Variants in KDM6B observed in about 807,000 individuals in gnomAD.
KDM6B encodes lysine demethylase 6B, also known as lysine-specific demethylase 6B.
KDM6B carries 22 observed loss-of-function variants against 150.4 expected under a neutral mutation model. That is an observed-to-expected ratio of 0.15 (90% CI 0.10 to 0.21). The LOEUF (loss-of-function observed/expected upper bound fraction) is 0.21. KDM6B is among the 10% of genes least tolerant of loss of function. KDM6B has a pLI of 1.00. For synonymous variants in KDM6B, 1,148 were observed against 921.1 expected (o/e 1.25, Z -4.46); for missense variants, 1,984 against 2,234.3 (o/e 0.89, Z 2.26).
chr17:7,848,812 C>G lies in KDM6B; in HGVS notation c.2524C>G (p.Pro842Ala), dbSNP rs1000777879. ...LPTTQYSPGP[P>A]SGATALPPTS... ...CACCACTCAGTATTCCCCTGGCCCC[C>G]CATCAGGTGCTACCGCCCTGCCGCC... is the stretch of plus-strand genomic sequence containing the variant. Residue 842 changes from proline (P) to alanine (A), a missense_variant, in exon 12 of 24, where the codon CCA becomes GCA. By Grantham distance (27) the Pro-to-Ala change is conservative. This residue lies in a region of KDM6B where 1,379 missense variants were observed against 1,275.6 expected (regional missense o/e 1.08). Transcript: ENST00000448097. 5.0e-6 allele frequency: 8 copies of G among 1,612,662 alleles called. No individual in the cohort carries two copies. The highest frequency in any genetic ancestry group is 1.6e-4 in the Middle Eastern group (1 of 6,082).
At chr17:7,846,370 T>TGGGGCC in intron 7 of KDM6B, 30 bp from the exon 8 acceptor site, 6 of 1,501,940 alleles carry the variant, frequency 4.0e-6, no homozygotes, top group South Asian at 1.2e-5. Flanking sequence ...ACCTGACATC[T>TGGGGCC]GCCCCTGCCC....
chr17:7,849,521 C>G lies in KDM6B; in HGVS notation c.3233C>G (p.Ala1078Gly). 1 of 1,612,854 alleles carries G rather than the reference C, an allele frequency of 6.2e-7. No homozygotes were observed. Among genetic ancestry groups the G allele is most frequent in the Non-Finnish European group, 8.5e-7 (1 of 1,179,958 alleles). ...CCTGGAAAGAAGGCTCGGGAGGAAGCCCCAGGGCCACCGGGTGTCAGCCGG... is the reference window on the plus strand; with the variant it reads ...CCTGGAAAGAAGGCTCGGGAGGAAGGCCCAGGGCCACCGGGTGTCAGCCGG... ...SVPGKKAREEAPGPPGVSRAD... is the reference protein window; with the variant it reads ...SVPGKKAREEGPGPPGVSRAD... Residue 1078 changes from alanine (A) to glycine (G), a missense_variant, in exon 12 of 24, where the codon GCC (alanine) becomes GGC (glycine). By Grantham distance (60) the Ala-to-Gly change is moderately conservative. Coordinates refer to ENST00000448097, the MANE Select transcript of KDM6B (RefSeq NM_001348716.2).
At chr17:7,846,021 G>C in intron 6 of KDM6B, 51 bp downstream of exon 6, 4 of 1,599,328 alleles carry the variant, frequency 2.5e-6, no homozygotes, top group Non-Finnish European at 3.4e-6. Flanking sequence ...CTGGGGCCTT[G>C]AAAGAGTCCC....
At position 7,846,883 on chromosome 17, in the gene KDM6B, C is replaced by CACCACA; in HGVS notation, c.781_782insAACCAC (p.Pro260_Pro261insGlnPro). Reference sequence around the variant, plus strand: ...TTACCACCACCACCACCACCACCACCACCACCACCACCACCCCTGCCTGGC... The same window carrying CACCACA: ...TTACCACCACCACCACCACCACCACCACCACAACCACCACCACCACCCCTGCCTGGC... On this transcript the variant is annotated inframe_insertion, in exon 10 of 24. Coordinates refer to ENST00000448097, the MANE Select transcript of KDM6B (RefSeq NM_001348716.2). 6.3e-7 allele frequency: 1 copy of CACCACA among 1,596,470 alleles called. No individual in the cohort carries two copies. The highest frequency in any genetic ancestry group is 8.5e-7 in the Non-Finnish European group (1 of 1,175,238).
At position 7,847,721 on chromosome 17, in the gene KDM6B, G is replaced by A. The variant is rs764457029; in HGVS notation, c.1433G>A (p.Arg478His). 2.6e-5 allele frequency: 34 copies of A among 1,299,016 alleles called. 1 individual carries two copies. The South Asian group carries it at 2.6e-4, about 10-fold the overall frequency. The allele number at this position is 1,299,016 out of a possible 1,614,324, so 80.5% of individuals were successfully genotyped here. ...PPPPPCPRLL[R>H]PPPPPAWLKG... Reference sequence around the variant, plus strand: ...CCACCCCCCTGTCCCCGCCTCTTACGCCCCCCACCACCCCCTGCCTGGTTG... The same window carrying A: ...CCACCCCCCTGTCCCCGCCTCTTACACCCCCCACCACCCCCTGCCTGGTTG... Residue 478 changes from arginine (R) to histidine (H), a missense_variant, in exon 12 of 24, where the codon CGC becomes CAC. Arg to His is a conservative substitution (Grantham distance 29, BLOSUM62 0). Around this residue, in one of 13 missense-constraint regions of KDM6B, gnomAD observed 1,379 missense variants for 1,275.6 expected, o/e 1.08. Coordinates refer to ENST00000448097, the MANE Select transcript of KDM6B (RefSeq NM_001348716.2).
At position 7,847,716 on chromosome 17, in the gene KDM6B, C is replaced by G. The variant is rs2078588613; in HGVS notation, c.1428C>G (p.Leu476=). 3 of 1,532,356 alleles carry G rather than the reference C, an allele frequency of 2.0e-6. No homozygotes were observed. Among genetic ancestry groups the G allele is most frequent in the Non-Finnish European group, 2.6e-6 (3 of 1,138,348 alleles). The allele number at this position is 1,532,356 out of a possible 1,614,324, so 94.9% of individuals were successfully genotyped here. A position where few individuals can be genotyped will look rare whatever the true frequency, so the allele number is the denominator to read the frequency against. Residue 476 remains leucine, a synonymous_variant, in exon 12 of 24, where the codon CTC becomes CTG. Transcript: ENST00000448097. ...SSPPPPPCPR[L]LRPPPPPAWL... is the part of the protein sequence containing the mutation. ...CCCCTCCACCCCCCTGTCCCCGCCT[C>G]TTACGCCCCCCACCACCCCCTGCCT... is the stretch of plus-strand genomic sequence containing the variant.
chr17:7,851,809 C>A lies in KDM6B; in HGVS notation c.4165+13C>A. The A allele has an allele frequency of 6.4e-7, 1 of 1,556,176 alleles. No individual in the cohort carries two copies. The highest frequency in any genetic ancestry group is 1.2e-5 in the South Asian group (1 of 85,488). On this transcript the variant is annotated intron_variant, in intron 18 of 23. Transcript: ENST00000448097. The stretch of plus-strand genomic sequence containing the variant: ...AGCCGAACGCCAGGTGCGCTCCACG[C>A]CTGTGCGCGCTGATGCTGGAAGCGC...
Position 7,848,902 on chromosome 17 carries a change from T to G in KDM6B, c.2614T>G (p.Ser872Ala), listed in dbSNP as rs746703803. 6.2e-7 allele frequency: 1 copy of G among 1,605,636 alleles called. No homozygotes were observed. Among genetic ancestry groups the G allele is most frequent in the Non-Finnish European group, 8.5e-7 (1 of 1,175,262 alleles). The part of the protein sequence containing the change: ...QPSASSSSQF[S>A]TSGGPWARER... The stretch of plus-strand genomic sequence containing the variant: ...CTCTGCTTCCTCGTCATCTCAGTTC[T>G]CTACCTCAGGCGGGCCCTGGGCCCG... Residue 872 changes from serine (S) to alanine (A), a missense_variant, in exon 12 of 24, where the codon TCT becomes GCT. By Grantham distance (99) the Ser-to-Ala change is moderately conservative (BLOSUM62 1). This residue lies in a region of KDM6B where 1,379 missense variants were observed against 1,275.6 expected (regional missense o/e 1.08). Coordinates refer to ENST00000448097, the MANE Select transcript of KDM6B (RefSeq NM_001348716.2).
rs528888877 is a variant in KDM6B, at chr17:7,849,354, C to T, written c.3066C>T (p.Asp1022=). 9 of 1,596,800 alleles carry T rather than the reference C, an allele frequency of 5.6e-6. No homozygotes were observed. The South Asian group carries it at 1.0e-4, about 18-fold the overall frequency. ...GCCGCCGGGTGCTGGGGAACCTGGACCTGCAGAGCGAGGAGATCCAGGGTC... is the reference window on the plus strand; with the variant it reads ...GCCGCCGGGTGCTGGGGAACCTGGATCTGCAGAGCGAGGAGATCCAGGGTC... The part of the protein sequence containing the change: ...EKSRRVLGNL[D]LQSEEIQGRE... The change falls in exon 12 of 24, where the codon GAC becomes GAT. Residue 1022 remains aspartate (D), a synonymous_variant. Transcript: ENST00000448097.
At chr17:7,837,294 G>T (rs928938246) in intron 1 of KDM6B, among the ~76,000 whole-genome samples, 1 of 152,092 alleles carries the variant, frequency 6.6e-6, no homozygotes, top group African/African-American at 2.4e-5. Flanking sequence ...GTATGGGGGG[G>T]GGTTCACTAC....
At chr17:7,835,459 G>A (rs947996924) in intron 1 of KDM6B, among the ~76,000 whole-genome samples, 4 of 152,124 alleles carry the variant, frequency 2.6e-5, no homozygotes, top group East Asian at 1.9e-4. Context: ...GTGGTTGTCC[G>A]GAGGGGGTTA....
chr17:7,849,216 G>C lies in KDM6B; in HGVS notation c.2928G>C (p.Gln976His). The change falls in exon 12 of 24, where the codon CAG becomes CAC. Residue 976 changes from glutamine (Q) to histidine (H), a missense_variant. Transcript: ENST00000448097. ...TGTCAGGCAGCTGTAAGCGGCGACAGAAGGAGCATCAGAAGGAGCATCGGC... is the reference window on the plus strand; with the variant it reads ...TGTCAGGCAGCTGTAAGCGGCGACACAAGGAGCATCAGAAGGAGCATCGGC... Reference protein sequence around the residue: ...AAVSGSCKRRQKEHQKEHRRH... With the variant: ...AAVSGSCKRRHKEHQKEHRRH... 1 of 1,591,794 alleles carries C rather than the reference G, an allele frequency of 6.3e-7. No homozygotes were observed. Among genetic ancestry groups the C allele is most frequent in the Non-Finnish European group, 8.6e-7 (1 of 1,169,396 alleles).
At chr17:7,840,897 T>C (rs577412757) in intron 2 of KDM6B, among the ~76,000 whole-genome samples, 48 of 152,238 alleles carry the variant, frequency 3.2e-4, no homozygotes, top group South Asian at 2.3e-3. Flanking sequence ...ACGTGAGACA[T>C]TGGGGATGGT....
intron 2 of KDM6B, among the ~76,000 whole-genome samples, chr17:7,842,573 T>A (rs780883241): frequency 3.3e-5 from 5 of 149,960 alleles, no homozygotes; most frequent in African/African-American, 2.5e-5. Context: ...AGAGCGAGAG[T>A]GGAGGTGAGA....
rs748451840 is a variant in KDM6B at position 7,848,012 on chromosome 17, C to G, written c.1724C>G (p.Pro575Arg). The G allele has an allele frequency of 2.5e-5, 40 of 1,612,684 alleles. No individual in the cohort carries two copies. The highest frequency in any genetic ancestry group is 3.1e-5 in the Non-Finnish European group (37 of 1,179,638). ...GGGCCTGTGTCCTTTCCCCCACCAC[C>G]CTATCTGGCCAGAAGTATAGACCCC... ...PAGPVSFPPPPYLARSIDPLP... is the reference protein window; with the variant it reads ...PAGPVSFPPPRYLARSIDPLP... The change falls in exon 12 of 24, where the codon CCC (proline) becomes CGC (arginine). Residue 575 changes from proline to arginine, a missense_variant. Pro to Arg is a moderately radical substitution (Grantham distance 103). Around this residue, in one of 13 missense-constraint regions of KDM6B, gnomAD observed 1,379 missense variants for 1,275.6 expected, o/e 1.08. Coordinates refer to ENST00000448097, the MANE Select transcript of KDM6B (RefSeq NM_001348716.2).
At position 7,854,210 on chromosome 17, in the gene KDM6B, CG is replaced by C. The variant is rs1230458007; in HGVS notation, c.*692del. ...CTCTCCCCGCGCCCCAGTGTGTGTC[CG>C]GGCCCGGCCCGACCGTCTCCACCCG... is the stretch of plus-strand genomic sequence containing the variant. On this transcript the variant is annotated 3_prime_UTR_variant, in exon 24 of 24. Transcript: ENST00000448097. 6.6e-6 allele frequency: 1 copy of C among 152,466 alleles called. No homozygotes were observed. The highest frequency in any genetic ancestry group is 1.5e-5 in the Non-Finnish European group (1 of 68,020). The allele number at this position is 152,466 out of a possible 1,614,324, so 9.4% of individuals were successfully genotyped here.
At position 7,853,656 on chromosome 17, in the gene KDM6B, C is replaced by T. The variant is rs778832032; in HGVS notation, c.*135C>T. ...AGCCCTTCCACCCCATTGGCAGCTC[C>T]CCTCACTTAATTTATTAAGAAAAAC... On this transcript the variant is annotated 3_prime_UTR_variant, in exon 24 of 24. Transcript: ENST00000448097. 352 of 514,124 alleles carry T rather than the reference C, an allele frequency of 6.8e-4. No individual in the cohort carries two copies. Among genetic ancestry groups the T allele is most frequent in the Non-Finnish European group, 9.5e-4 (323 of 338,962 alleles). 31.8% of individuals were successfully genotyped at this position (514,124 alleles called of 1,614,324 possible).
At position 7,848,319 on chromosome 17, in the gene KDM6B, G is replaced by A. The variant is rs151325699; in HGVS notation, c.2031G>A (p.Pro677=). The A allele has an allele frequency of 4.5e-5, 73 of 1,611,792 alleles. No individual in the cohort carries two copies. The highest frequency in any genetic ancestry group is 1.6e-4 in the Middle Eastern group (1 of 6,082). Residue 677 remains proline (P), a synonymous_variant, in exon 12 of 24, where the codon CCG becomes CCA. Coordinates refer to ENST00000448097, the MANE Select transcript of KDM6B (RefSeq NM_001348716.2). ...GACTCTTTGATTTTCCCCCCACTCC[G>A]CTGGAGGACCAGTTTGAGGAGCCAG... ...GPRLFDFPPT[P]LEDQFEEPAE... is the part of the protein sequence containing the mutation.
chr17:7,851,254 G>A lies in KDM6B; in HGVS notation c.3879+28G>A, dbSNP rs776007049. 3.1e-6 allele frequency: 5 copies of A among 1,613,452 alleles called. 1 individual carries two copies. The South Asian group carries it at 3.3e-5, about 11-fold the overall frequency. ...GAGATGAGAACGTGGCCAGAGGCAG[G>A]TCCTGGGACGGGGCTGCGGTGGGAG... On this transcript the variant is annotated intron_variant, in intron 15 of 23. Transcript: ENST00000448097.
Sources: allele counts gnomAD v4.1 joint callset (sites outside exome capture counted in the v4.1 genomes callset), GRCh38; gene constraint gnomAD v4.1.1; regional missense constraint gnomAD v4.1.1; transcripts MANE v1.5; gene names NCBI Gene and HGNC (gene_info 2026-07-23, HGNC 2026-07-21).